ZNF462: variants seen among roughly 807,000 people sequenced by gnomAD.
ZNF462 encodes the protein zinc finger PBX1-interacting protein.
In ZNF462, 10 loss-of-function variants were observed where a neutral mutation model predicts 201.9. That is an observed-to-expected ratio of 0.05 (90% CI 0.03 to 0.08). The LOEUF is 0.08. Among genes scored for constraint, ZNF462 ranks in the 10% least tolerant of loss-of-function variants. The probability of loss-of-function intolerance (pLI) is 1.00; values close to 1 mark genes in which losing one functional copy is unlikely to be tolerated. For missense variants in ZNF462, 2,523 were observed against 3,168.3 expected, an observed-to-expected ratio of 0.80 and a Z score of 4.89; for synonymous variants, 1,227 against 1,193.3, an observed-to-expected ratio of 1.03 and a Z score of -0.58.
chr9:106,917,840 A>ATTTTT lies in ZNF462; in HGVS notation c.-30-5511_-30-5507dup, dbSNP rs1023627462. On this transcript the variant is annotated intron_variant, in intron 1 of 12. Coordinates refer to ENST00000277225, the MANE Select transcript of ZNF462 (RefSeq NM_021224.6). This position sits in a 1 kb window ranked among gnomAD's most constrained non-coding sequence, Gnocchi z 4.5. ...TGTTGGTTTATTTTGCTGGTTTATTATTTTTTTATATTTATTTATTTATTT... is the reference window on the plus strand; with the variant it reads ...TGTTGGTTTATTTTGCTGGTTTATTATTTTTTTTTTTTATATTTATTTATTTATTT... Among the ~76,000 whole-genome samples the ATTTTT allele has an allele frequency of 6.7e-6, 1 of 149,592 alleles. No individual in the cohort carries two copies. The highest frequency in any genetic ancestry group is 2.0e-4 in the East Asian group (1 of 5,124).
At chr9:106,893,210 C>G (rs115101848) in intron 1 of ZNF462, among the ~76,000 whole-genome samples, 1 of 152,166 alleles carries the variant, frequency 6.6e-6, no homozygotes, top group Non-Finnish European at 1.5e-5. Context: ...CAAGCAACTT[C>G]CCCAAAATCA....
intron 10 of ZNF462, among the ~76,000 whole-genome samples, chr9:107,000,981 A>G (rs906514088): frequency 2.0e-5 from 3 of 152,184 alleles, no homozygotes; most frequent in African/African-American, 7.2e-5. Context: ...AAACAACTGG[A>G]TTAAAGCAGA....
At chr9:106,946,083 C>A (rs966999818) in intron 7 of ZNF462, among the ~76,000 whole-genome samples, 14 of 152,198 alleles carry the variant, frequency 9.2e-5, no homozygotes, top group African/African-American at 3.4e-4. Context: ...AATTCATCTC[C>A]CTGTTCCCAT....
rs938703609 is a variant in ZNF462 at position 106,984,518 on chromosome 9, G to T, written c.7056+109G>T. On this transcript the variant is annotated intron_variant, in intron 10 of 12. Transcript: ENST00000277225. This position sits in a 1 kb window ranked among gnomAD's most constrained non-coding sequence, Gnocchi z 6.4. The stretch of plus-strand genomic sequence containing the variant: ...CCACTGTGTACCAGATGGAGATGTG[G>T]ACTCAAAGAGCTTTTAAAGTGAGGT... 3 of 832,938 alleles carry T rather than the reference G, an allele frequency of 3.6e-6. No individual in the cohort carries two copies. In the African/African-American group the frequency reaches 5.1e-5, roughly 14 times the overall value. The allele number at this position is 832,938 out of a possible 1,614,324, so 51.6% of individuals were successfully genotyped here.
In ZNF462 at chr9:106,955,504, G is replaced by A. The variant is rs1054356630; in HGVS notation, c.6427+16397G>A. Among the ~76,000 whole-genome samples, 22 of 152,148 alleles carry A rather than the reference G, an allele frequency of 1.4e-4. 1 individual carries two copies. Among genetic ancestry groups the A allele is most frequent in the Non-Finnish European group, 1.8e-4 (12 of 68,016 alleles). On this transcript the variant is annotated intron_variant, in intron 7 of 12. Transcript: ENST00000277225. ...GTGGCTGCTGACTGATCAGGGTGGT[G>A]GTTGCTGAGGATTGGGAGTAGCTGT...
chr9:106,877,147 CA>C (rs1827865564), intron 1 of ZNF462, among the ~76,000 whole-genome samples: 1 of 151,828 alleles, frequency 6.6e-6, no homozygotes. Flanking sequence ...TGGGTCTGGC[CA>C]AAAGGACATT....
chr9:106,918,168 C>T (rs532974529), intron 1 of ZNF462, among the ~76,000 whole-genome samples: 11 of 152,134 alleles, frequency 7.2e-5, no homozygotes, highest in Non-Finnish European at 1.2e-4. Flanking sequence ...AGCCACCACG[C>T]CCTGCCTGCT....
At chr9:106,960,459 A>G (rs762821596) in intron 7 of ZNF462, among the ~76,000 whole-genome samples, 4 of 152,122 alleles carry the variant, frequency 2.6e-5, no homozygotes, top group African/African-American at 9.7e-5. Context: ...AGTCATTTAT[A>G]TAAAGAGGCT....
chr9:106,951,214 A>G (rs1343222478), intron 7 of ZNF462, among the ~76,000 whole-genome samples: 1 of 152,200 alleles, frequency 6.6e-6, no homozygotes, highest in Non-Finnish European at 1.5e-5. Flanking sequence ...CTCTACCCCT[A>G]TAACTTAACA....
intron 7 of ZNF462, among the ~76,000 whole-genome samples, chr9:106,969,259 A>T (rs1005029195): frequency 2.2e-4 from 34 of 152,188 alleles, no homozygotes; most frequent in African/African-American, 8.2e-4. Flanking sequence ...ACATGGACGC[A>T]TTAGCTGTTC....
intron 1 of ZNF462, among the ~76,000 whole-genome samples, chr9:106,881,025 C>T (rs1828070470): frequency 6.6e-6 from 1 of 152,202 alleles, no homozygotes; most frequent in Non-Finnish European, 1.5e-5. Context: ...TAGGATCACC[C>T]ATGGTGACCC....
Position 106,934,324 on chromosome 9 carries a change from G to C in ZNF462, c.6117-1179G>C, listed in dbSNP as rs1469506665. 2.6e-5 allele frequency among the ~76,000 whole-genome samples: 4 copies of C among 151,868 alleles called. No individual in the cohort carries two copies. The East Asian group carries it at 7.7e-4, about 29-fold the overall frequency. On this transcript the variant is annotated intron_variant, in intron 5 of 12. Coordinates refer to ENST00000277225, the MANE Select transcript of ZNF462 (RefSeq NM_021224.6). ...AAAAAAAAAAAAAAAATCCATGGGG[G>C]CTGGGGGACAAGGAATTAAGAAGCA...
At position 106,929,799 on chromosome 9, in the gene ZNF462, C is replaced by G; in HGVS notation, c.5847+40C>G. On this transcript the variant is annotated intron_variant, in intron 3 of 12. Coordinates refer to ENST00000277225, the MANE Select transcript of ZNF462 (RefSeq NM_021224.6). The surrounding 1 kb of genome is among the most constrained non-coding windows in gnomAD (Gnocchi z 8.7). ...TGATTTCCCTTCCCCCAGGAGGCCT[C>G]TCATCACTGGTGCCCACATGCACTT... The G allele has an allele frequency of 1.3e-6, 2 of 1,553,798 alleles. No individual in the cohort carries two copies. Among genetic ancestry groups the G allele is most frequent in the Non-Finnish European group, 1.7e-6 (2 of 1,143,232 alleles).
At chr9:106,996,976 T>C (rs1337760209) in intron 10 of ZNF462, among the ~76,000 whole-genome samples, 1 of 152,164 alleles carries the variant, frequency 6.6e-6, no homozygotes, top group Admixed American at 6.6e-5. Context: ...TTCAGCATGT[T>C]ACTTGCTTGA....
At chr9:106,964,817 A>C (rs1383398049) in intron 7 of ZNF462, among the ~76,000 whole-genome samples, 1 of 152,082 alleles carries the variant, frequency 6.6e-6, no homozygotes. Context: ...TAACTGGTAC[A>C]AAAAAGTTTT....
chr9:106,954,560 C>G lies in ZNF462; in HGVS notation c.6427+15453C>G, dbSNP rs950362298. 4.6e-5 allele frequency among the ~76,000 whole-genome samples: 7 copies of G among 152,044 alleles called. No homozygotes were observed. Among genetic ancestry groups the G allele is most frequent in the African/African-American group, 1.4e-4 (6 of 41,416 alleles). ...AATATTCTCCATGTTTATACCCAGC[C>G]TTTTCTCTTTCCATCAGCTGCCTCA... On this transcript the variant is annotated intron_variant, in intron 7 of 12. Transcript: ENST00000277225. The surrounding 1 kb of genome is among the most constrained non-coding windows in gnomAD (Gnocchi z 4.0).
Position 106,928,858 on chromosome 9 carries a change from T to C in ZNF462, c.4946T>C (p.Phe1649Ser). The change falls in exon 3 of 13, where the codon TTC (phenylalanine) becomes TCC (serine). Residue 1649 changes from phenylalanine to serine, a missense_variant. This residue lies in a region of ZNF462 where 200 missense variants were observed against 281.3 expected (regional missense o/e 0.71). Coordinates refer to ENST00000277225, the MANE Select transcript of ZNF462 (RefSeq NM_021224.6). The surrounding 1 kb of genome is among the most constrained non-coding windows in gnomAD (Gnocchi z 9.3). ...GAGGAGCCCGTGTCCACTTCTCACTTCTCTACCTCCCACCTGGTCTCCCAC... is the reference window on the plus strand; with the variant it reads ...GAGGAGCCCGTGTCCACTTCTCACTCCTCTACCTCCCACCTGGTCTCCCAC... ...VGEEPVSTSH[F>S]STSHLVSHTV... The C allele has an allele frequency of 1.9e-6, 3 of 1,613,894 alleles. No individual in the cohort carries two copies. The highest frequency in any genetic ancestry group is 2.5e-6 in the Non-Finnish European group (3 of 1,179,988).
intron 1 of ZNF462, among the ~76,000 whole-genome samples, chr9:106,877,422 G>A (rs1039815271): frequency 2.0e-5 from 3 of 148,938 alleles, no homozygotes; most frequent in South Asian, 2.1e-4. Flanking sequence ...AAGATCTTGC[G>A]CTGTTGCCCA....
At chr9:106,907,492 A>C (rs779179978) in intron 1 of ZNF462, among the ~76,000 whole-genome samples, 19 of 152,218 alleles carry the variant, frequency 1.2e-4, no homozygotes, top group Middle Eastern at 3.4e-3. Context: ...TTAGTTTTAC[A>C]TATATTGCCA....
Sources: gnomAD v4.1 joint callset for allele counts (sites outside exome capture counted in the v4.1 genomes callset) on GRCh38, gnomAD v4.1.1 for gene constraint, gnomAD v4.1.1 regional missense constraint, Gnocchi (gnomAD v3.1) non-coding constraint, MANE v1.5 for transcripts, NCBI Gene and HGNC (gene_info 2026-07-23, HGNC 2026-07-21) for gene names.